Variants in KHDRBS3 observed in about 807,000 individuals in gnomAD.
KHDRBS3 encodes the protein KH domain-containing, RNA-binding, signal transduction-associated protein 3.
In KHDRBS3, 23 loss-of-function variants were observed where a neutral mutation model predicts 45.6. The ratio of observed to expected loss-of-function variants is 0.50; its 90% confidence interval spans 0.36 to 0.72. The LOEUF is 0.72. KHDRBS3 is among the 30% of genes least tolerant of loss of function. The probability of loss-of-function intolerance (pLI) is 0.00; values close to 1 mark genes in which losing one functional copy is unlikely to be tolerated. For missense variants in KHDRBS3, 352 were observed against 424.8 expected (o/e 0.83, Z 1.51); for synonymous variants, 162 against 156.5 (o/e 1.04, Z -0.26).
intron 7 of KHDRBS3, chr8:135,626,114 CT>C (rs1830348117): frequency 2.0e-6 from 1 of 499,976 alleles, no homozygotes; most frequent in South Asian, 3.8e-5. Flanking sequence ...TTAAAAAGGA[CT>C]TCTGCTTTAA....
At chr8:135,471,603 T>C (rs1476614739) in intron 1 of KHDRBS3, among the ~76,000 whole-genome samples, 2 of 152,180 alleles carry the variant, frequency 1.3e-5, no homozygotes, top group Non-Finnish European at 2.9e-5. Context: ...TGGAGCTTTG[T>C]TATTCCGATC....
At chr8:135,618,782 C>A (rs1830020578) in intron 7 of KHDRBS3, among the ~76,000 whole-genome samples, 1 of 152,162 alleles carries the variant, frequency 6.6e-6, no homozygotes, top group Non-Finnish European at 1.5e-5. Flanking sequence ...TGTGATCTTT[C>A]ACTAACCCTC....
intron 7 of KHDRBS3, among the ~76,000 whole-genome samples, chr8:135,640,942 T>C (rs1831034021): frequency 6.6e-6 from 1 of 152,176 alleles, no homozygotes; most frequent in Admixed American, 6.5e-5. Flanking sequence ...CGAAATGCTG[T>C]GAAAGCAATT....
At chr8:135,604,163 A>G (rs923192172) in intron 6 of KHDRBS3, among the ~76,000 whole-genome samples, 9 of 151,802 alleles carry the variant, frequency 5.9e-5, no homozygotes, top group African/African-American at 2.2e-4. Context: ...TCTTTTTATC[A>G]TTTTTTAAAA....
At chr8:135,515,141 C>T (rs1055641239) in intron 1 of KHDRBS3, among the ~76,000 whole-genome samples, 5 of 151,642 alleles carry the variant, frequency 3.3e-5, no homozygotes, top group East Asian at 1.9e-4. Context: ...CCGAGGCGGG[C>T]GGATCACGAG....
chr8:135,637,155 T>G (rs1159288218), intron 7 of KHDRBS3, among the ~76,000 whole-genome samples: 2 of 152,236 alleles, frequency 1.3e-5, no homozygotes, highest in Non-Finnish European at 2.9e-5. Context: ...AAAAGAACTA[T>G]TAGATAAGTA....
chr8:135,617,562 G>A (rs1241197366), intron 7 of KHDRBS3, among the ~76,000 whole-genome samples: 1 of 152,070 alleles, frequency 6.6e-6, no homozygotes, highest in African/African-American at 2.4e-5. Flanking sequence ...ATAGGCGTGA[G>A]CCACCACACC....
chr8:135,574,544 G>A (rs1165445017), intron 5 of KHDRBS3, among the ~76,000 whole-genome samples: 1 of 151,814 alleles, frequency 6.6e-6, no homozygotes, highest in Non-Finnish European at 1.5e-5. Context: ...TTTGATGAAA[G>A]GCATACATTT....
chr8:135,520,465 A>G (rs890372630), intron 1 of KHDRBS3, among the ~76,000 whole-genome samples: 1 of 152,154 alleles, frequency 6.6e-6, no homozygotes, highest in African/African-American at 2.4e-5. Context: ...GAATAAATAG[A>G]TTTTTACCTA....
intron 6 of KHDRBS3, among the ~76,000 whole-genome samples, chr8:135,600,921 C>G (rs1246059108): frequency 1.3e-5 from 2 of 152,172 alleles, no homozygotes; most frequent in African/African-American, 4.8e-5. Context: ...GGCTGGGTCT[C>G]AAACTCCTGG....
At chr8:135,623,416 T>TA (rs1378006368) in intron 7 of KHDRBS3, among the ~76,000 whole-genome samples, 1 of 152,206 alleles carries the variant, frequency 6.6e-6, no homozygotes, top group African/African-American at 2.4e-5. Context: ...TATGAAACCT[T>TA]ACGCTTAACT....
intron 5 of KHDRBS3, among the ~76,000 whole-genome samples, chr8:135,568,084 A>G (rs1193262366): frequency 1.3e-5 from 2 of 152,176 alleles, no homozygotes; most frequent in Admixed American, 1.3e-4. Context: ...CTTACTTGCC[A>G]CACACACAGC....
intron 7 of KHDRBS3, among the ~76,000 whole-genome samples, chr8:135,624,078 C>G (rs538170679): frequency 4.7e-4 from 71 of 152,306 alleles, no homozygotes; most frequent in African/African-American, 1.6e-3. Context: ...TCCAAAGAAA[C>G]TAGTGTACTG....
chr8:135,540,860 G>A (rs1043186347), intron 2 of KHDRBS3: 1 of 152,172 alleles, frequency 6.6e-6, no homozygotes, highest in African/African-American at 2.4e-5. Context: ...GAATTTTTAA[G>A]AACAGATAGT....
intron 7 of KHDRBS3, among the ~76,000 whole-genome samples, chr8:135,632,184 C>T (rs898629283): frequency 2.6e-5 from 4 of 152,184 alleles, no homozygotes; most frequent in South Asian, 2.1e-4. Context: ...TTGGTTCCCA[C>T]GCTGCTACTG....
At chr8:135,533,998 T>C (rs1825608301) in intron 2 of KHDRBS3, among the ~76,000 whole-genome samples, 1 of 152,178 alleles carries the variant, frequency 6.6e-6, no homozygotes, top group African/African-American at 2.4e-5. Context: ...AGTTTCCTAC[T>C]GCACGTGTTT....
At chr8:135,516,570 T>TTTTGTGTGTGTG (rs150491872) in intron 1 of KHDRBS3, among the ~76,000 whole-genome samples, 8 of 149,032 alleles carry the variant, frequency 5.4e-5, no homozygotes, top group Non-Finnish European at 8.9e-5. Flanking sequence ...GTTTCTTACA[T>TTTTGTGTGTGTG]TGTGTGTGTG....
intron 4 of KHDRBS3, 46 bp from the exon 5 acceptor site, chr8:135,557,402 A>C (rs368582747): frequency 3.1e-6 from 4 of 1,290,842 alleles, no homozygotes; most frequent in Admixed American, 4.8e-5. Context: ...ATATTTTTGC[A>C]TTTCTAATAT....
At chr8:135,512,079 T>C (rs78317450) in intron 1 of KHDRBS3, among the ~76,000 whole-genome samples, 7,293 of 152,278 alleles carry the variant, frequency 0.048, 274 homozygotes, top group East Asian at 0.18. Flanking sequence ...AGTTATAGTG[T>C]GTTCAACTCT....
Sources: gnomAD v4.1 joint callset for allele counts (sites outside exome capture counted in the v4.1 genomes callset) on GRCh38, gnomAD v4.1.1 for gene constraint, MANE v1.5 for transcripts, NCBI Gene and HGNC (gene_info 2026-07-23, HGNC 2026-07-21) for gene names.